PHKB: variants seen among roughly 807,000 people sequenced by gnomAD.
PHKB encodes the protein phosphorylase b kinase regulatory subunit beta.
In PHKB, 122 loss-of-function variants were observed where a neutral mutation model predicts 152.1. The observed-to-expected ratio is 0.80, with a 90% CI of 0.69 to 0.93. PHKB has a LOEUF of 0.93. Among genes scored for constraint, PHKB ranks in the 40% least tolerant of loss-of-function variants. The pLI, the probability that PHKB is intolerant of heterozygous loss-of-function variation, is 0.00. For missense variants in PHKB, 1,304 were observed against 1,328.4 expected (o/e 0.98, Z 0.29); for synonymous variants, 436 against 464.9 (o/e 0.94, Z 0.80).
intron 20 of PHKB, among the ~76,000 whole-genome samples, chr16:47,654,098 A>C (rs1295549406): frequency 6.6e-6 from 1 of 152,218 alleles, no homozygotes; most frequent in Admixed American, 6.5e-5. Context: ...TCTGTCTTTC[A>C]TTCAAAATTA....
At chr16:47,657,713 A>G (rs1158453821) in intron 20 of PHKB, among the ~76,000 whole-genome samples, 1 of 152,212 alleles carries the variant, frequency 6.6e-6, no homozygotes, top group Non-Finnish European at 1.5e-5. Context: ...GAATTAGAAT[A>G]TAAGGGTGAG....
intron 6 of PHKB, among the ~76,000 whole-genome samples, chr16:47,543,981 C>T (rs994210913): frequency 7.2e-5 from 11 of 151,880 alleles, no homozygotes; most frequent in Admixed American, 2.6e-4. Flanking sequence ...TCTCTCTTTT[C>T]TTCTTTATTA....
At chr16:47,597,938 G>A (rs1292844007) in intron 13 of PHKB, 2 of 151,818 alleles carry the variant, frequency 1.3e-5, no homozygotes, top group Non-Finnish European at 2.9e-5. Flanking sequence ...TTTCTTTTAA[G>A]TACCAAGTCA....
At chr16:47,488,458 T>C (rs539968807) in intron 1 of PHKB, among the ~76,000 whole-genome samples, 2 of 152,342 alleles carry the variant, frequency 1.3e-5, no homozygotes, top group African/African-American at 4.8e-5. Flanking sequence ...GTTCCAATTG[T>C]CAATTTTTGT....
At chr16:47,509,917 C>G (rs940463684) in intron 4 of PHKB, among the ~76,000 whole-genome samples, 2 of 152,210 alleles carry the variant, frequency 1.3e-5, no homozygotes, top group Non-Finnish European at 1.5e-5. Flanking sequence ...CCCCCGGCTT[C>G]CGACACCAAT....
At chr16:47,487,989 A>G (rs1287417441) in intron 1 of PHKB, among the ~76,000 whole-genome samples, 1 of 152,152 alleles carries the variant, frequency 6.6e-6, no homozygotes, top group Non-Finnish European at 1.5e-5. Context: ...TGATAGTTCT[A>G]AGTTCTTTGA....
intron 14 of PHKB, among the ~76,000 whole-genome samples, chr16:47,621,445 T>C (rs1051541121): frequency 6.6e-6 from 1 of 152,180 alleles, no homozygotes; most frequent in Non-Finnish European, 1.5e-5. Context: ...TTTTTAAAGA[T>C]TTATTAGTCT....
chr16:47,577,190 A>G (rs1239963187), intron 7 of PHKB, among the ~76,000 whole-genome samples: 1 of 151,982 alleles, frequency 6.6e-6, no homozygotes. Flanking sequence ...ATCATTTTGT[A>G]TAACTTTTTA....
intron 6 of PHKB, among the ~76,000 whole-genome samples, chr16:47,543,948 A>T (rs1035569313): frequency 6.6e-6 from 1 of 152,106 alleles, no homozygotes; most frequent in South Asian, 2.1e-4. Flanking sequence ...TTTTTATTAC[A>T]ATCTATTCTA....
At chr16:47,663,080 G>C (rs1417960226) in intron 23 of PHKB, among the ~76,000 whole-genome samples, 2 of 151,974 alleles carry the variant, frequency 1.3e-5, no homozygotes, top group Admixed American at 6.6e-5. Context: ...TTGTTAAAAG[G>C]CTGTAAAAAG....
At chr16:47,682,151 C>T (rs1164138358) in intron 26 of PHKB, among the ~76,000 whole-genome samples, 3 of 152,166 alleles carry the variant, frequency 2.0e-5, no homozygotes, top group African/African-American at 4.8e-5. Context: ...GATGGCCTTC[C>T]CTTTGTGGGT....
intron 13 of PHKB, among the ~76,000 whole-genome samples, chr16:47,597,041 T>C (rs1402552233): frequency 1.3e-5 from 2 of 152,180 alleles, no homozygotes; most frequent in Non-Finnish European, 2.9e-5. Flanking sequence ...CAACTTGAAC[T>C]GAATCATAGC....
chr16:47,649,491 C>T (rs1973196641), intron 18 of PHKB, among the ~76,000 whole-genome samples: 1 of 152,100 alleles, frequency 6.6e-6, no homozygotes. Flanking sequence ...AAAATATGTT[C>T]ATATGACAGT....
At chr16:47,593,987 G>T in intron 11 of PHKB, 150 bp from the exon 12 acceptor site, 1 of 604,520 alleles carries the variant, frequency 1.7e-6, no homozygotes, top group Admixed American at 3.0e-5. Context: ...ATATCACACA[G>T]ATTTGCATTT....
At chr16:47,565,739 C>T in intron 7 of PHKB, 1 of 1,493,926 alleles carries the variant, frequency 6.7e-7, no homozygotes, top group South Asian at 1.1e-5. Context: ...TTGGCTCATC[C>T]AGCTGATGCT....
chr16:47,688,917 C>A, intron 26 of PHKB, 124 bp from the exon 27 acceptor site: 1 of 1,009,936 alleles, frequency 9.9e-7, no homozygotes, highest in Non-Finnish European at 1.6e-6. Flanking sequence ...GTTCAGGAAA[C>A]TCAAACGGCC....
chr16:47,698,673 A>T, intron 30 of PHKB, 85 bp downstream of exon 30: 2 of 1,155,556 alleles, frequency 1.7e-6, no homozygotes, highest in Non-Finnish European at 2.3e-6. Flanking sequence ...ATCTCTTTTC[A>T]TTTACTTTAT....
intron 5 of PHKB, among the ~76,000 whole-genome samples, chr16:47,515,282 A>G (rs905245726): frequency 6.6e-6 from 1 of 152,246 alleles, no homozygotes; most frequent in Non-Finnish European, 1.5e-5. Context: ...GTTTTATTTG[A>G]AGCCGTTTCC....
At chr16:47,484,823 T>C (rs1160325945) in intron 1 of PHKB, among the ~76,000 whole-genome samples, 1 of 152,230 alleles carries the variant, frequency 6.6e-6, no homozygotes, top group Non-Finnish European at 1.5e-5. Context: ...AAATTTCCTT[T>C]TTCCATTTAA....
Sources: allele counts gnomAD v4.1 joint callset (sites outside exome capture counted in the v4.1 genomes callset), GRCh38; gene constraint gnomAD v4.1.1; transcripts MANE v1.5; gene names NCBI Gene and HGNC (gene_info 2026-07-23, HGNC 2026-07-21).